The following HOMER2 variants were observed in gnomAD, a reference collection of about 807,000 sequenced individuals.
HOMER2 encodes the protein homer scaffold protein 2, also known as homer protein homolog 2.
HOMER2 carries 27 observed loss-of-function variants against 47.0 expected under a neutral mutation model. The observed-to-expected ratio is 0.57, with a 90% CI of 0.42 to 0.79. The LOEUF is 0.79. Among genes scored for constraint, HOMER2 ranks in the 30% least tolerant of loss-of-function variants. HOMER2 has a pLI of 0.00. For synonymous variants in HOMER2, 161 were observed against 163.8 expected, an observed-to-expected ratio of 0.98 and a Z score of 0.13; for missense variants, 443 against 435.0, an observed-to-expected ratio of 1.02 and a Z score of -0.16.
intron 2 of HOMER2, among the ~76,000 whole-genome samples, chr15:82,891,583 T>C (rs2052706495): frequency 6.6e-6 from 1 of 152,160 alleles, no homozygotes; most frequent in East Asian, 1.9e-4. Context: ...GGAGAAGCCT[T>C]TACCCAGGGC....
chr15:82,943,224 A>G (rs117071370), intron 1 of HOMER2, among the ~76,000 whole-genome samples: 1,637 of 152,352 alleles, frequency 0.011, 9 homozygotes, highest in Non-Finnish European at 0.016. Flanking sequence ...TGAGGACAGT[A>G]AAGCTTAGAG....
rs530868262 is a variant in HOMER2 at position 82,963,529 on chromosome 15, A to G, written n.83-4221T>C. Among the ~76,000 whole-genome samples the G allele has an allele frequency of 4.6e-5, 7 of 152,336 alleles. No individual in the cohort carries two copies. The South Asian group carries it at 1.4e-3, about 32-fold the overall frequency. ...TAAGAGCCTTTGAGCAACTAGAAAG[A>G]ACAGTGTTTCCCCAAACTTGCCTCA... On this transcript the variant is annotated intron_variant and non_coding_transcript_variant, in intron 1 of 1. Transcript: ENST00000500334.
At chr15:82,944,544 A>T (rs972313438) in intron 1 of HOMER2, among the ~76,000 whole-genome samples, 1 of 152,236 alleles carries the variant, frequency 6.6e-6, no homozygotes, top group Non-Finnish European at 1.5e-5. Flanking sequence ...AACATTCAGA[A>T]AAATGCCTTT....
chr15:82,872,853 G>A (rs939683098), intron 3 of HOMER2, among the ~76,000 whole-genome samples: 9 of 152,202 alleles, frequency 5.9e-5, no homozygotes, highest in Admixed American at 1.3e-4. Flanking sequence ...AGGAGGAACC[G>A]GGAAGAAACA....
intron 1 of HOMER2, among the ~76,000 whole-genome samples, chr15:82,941,566 C>A (rs1376801083): frequency 6.6e-6 from 1 of 151,860 alleles, no homozygotes; most frequent in African/African-American, 2.4e-5. Context: ...TGCCACCCAC[C>A]CCAAGTCACC....
At chr15:82,961,338 G>A (rs2054628769) in intron 1 of HOMER2, among the ~76,000 whole-genome samples, 2 of 152,214 alleles carry the variant, frequency 1.3e-5, no homozygotes, top group Non-Finnish European at 2.9e-5. Context: ...TGCGCAGGTT[G>A]GGGGGTACTA....
chr15:82,939,485 G>A (rs2054214691), intron 1 of HOMER2, among the ~76,000 whole-genome samples: 1 of 152,106 alleles, frequency 6.6e-6, no homozygotes, highest in Non-Finnish European at 1.5e-5. Context: ...TGGCCAACAT[G>A]GCAAAACCCC....
intron 1 of HOMER2, among the ~76,000 whole-genome samples, chr15:82,929,435 C>T (rs1029300255): frequency 2.0e-5 from 3 of 151,990 alleles, no homozygotes; most frequent in Non-Finnish European, 4.4e-5. Context: ...GCGGGTGGAA[C>T]ACCTGAGGTC....
intron 1 of HOMER2, among the ~76,000 whole-genome samples, chr15:82,902,730 T>C (rs1262803234): frequency 6.6e-6 from 1 of 151,986 alleles, no homozygotes; most frequent in African/African-American, 2.4e-5. Context: ...GGAAACATTA[T>C]TCTTAATATT....
intron 1 of HOMER2, among the ~76,000 whole-genome samples, chr15:82,968,614 G>T (rs2054697421): frequency 6.6e-6 from 1 of 152,090 alleles, no homozygotes. Flanking sequence ...TCTGCAGTTG[G>T]TCTTACTTCA....
chr15:82,929,910 AG>A (rs1200457447), intron 1 of HOMER2, among the ~76,000 whole-genome samples: 3 of 151,392 alleles, frequency 2.0e-5, no homozygotes, highest in Admixed American at 6.6e-5. Flanking sequence ...TTGTATTTTT[AG>A]TAGAGATGGG....
At chr15:82,983,547 T>C (rs1359473563) in intron 1 of HOMER2, among the ~76,000 whole-genome samples, 1 of 152,144 alleles carries the variant, frequency 6.6e-6, no homozygotes, top group Non-Finnish European at 1.5e-5. Flanking sequence ...CAGCCCCAAT[T>C]TCCCAGGCTT....
intron 2 of HOMER2, 84 bp from the exon 3 acceptor site, chr15:82,875,488 C>A: frequency 7.0e-7 from 1 of 1,433,702 alleles, no homozygotes. Flanking sequence ...ATTGGCAAAG[C>A]CAGTGCTTCA....
rs560546054 is a variant in HOMER2 at position 82,948,808 on chromosome 15, G to A, written c.5+3723C>T. On this transcript the variant is annotated intron_variant, in intron 1 of 8. Transcript: ENST00000450735. ...ACAGCAGCATGGCAGGGGGAGCTGC[G>A]CCCAGCGCCTGGTCAGTGGGAGGTA... 7.2e-5 allele frequency among the ~76,000 whole-genome samples: 11 copies of A among 152,352 alleles called. No homozygotes were observed. In the East Asian group the frequency reaches 7.7e-4, roughly 11 times the overall value.
exon 2 of HOMER2, chr15:82,838,887 A>G (rs1355790994): frequency 6.6e-6 from 1 of 152,192 alleles, no homozygotes; most frequent in African/African-American, 2.4e-5. Flanking sequence ...CCACTCCTAC[A>G]CATTTGGGAA....
At chr15:82,969,005 G>C (rs777789797) in intron 1 of HOMER2, among the ~76,000 whole-genome samples, 2 of 152,188 alleles carry the variant, frequency 1.3e-5, no homozygotes, top group African/African-American at 4.8e-5. Flanking sequence ...AGACATAATT[G>C]ATCACATCAC....
At chr15:82,879,041 T>C (rs1014303231) in intron 2 of HOMER2, among the ~76,000 whole-genome samples, 2 of 152,250 alleles carry the variant, frequency 1.3e-5, no homozygotes, top group Non-Finnish European at 2.9e-5. Context: ...TGGCCACTGA[T>C]GTCTCCAATC....
In HOMER2 at chr15:82,852,252, T is replaced by C; in HGVS notation, c.652A>G (p.Ile218Val). The change falls in exon 7 of 9, where the codon ATT becomes GTT. Residue 218 changes from isoleucine (I) to valine (V), a missense_variant and splice_region_variant. Ile to Val is a conservative substitution (Grantham distance 29). Transcript: ENST00000450735. ...RDENDRLRNK[I>V]DELEEQCSEI... ...CTGCATTGTTCTTCCAGCTCATCAA[T>C]CTTCAATACACACCACACAGGAAAG... 1 of 1,608,646 alleles carries C rather than the reference T, an allele frequency of 6.2e-7. No individual in the cohort carries two copies. The highest frequency in any genetic ancestry group is 8.5e-7 in the Non-Finnish European group (1 of 1,175,232).
Position 82,849,743 on chromosome 15 carries a change from C to T in HOMER2, c.1004G>A (p.Gly335Glu), listed in dbSNP as rs368481727. The T allele has an allele frequency of 2.7e-4, 443 of 1,613,748 alleles. No homozygotes were observed. Among genetic ancestry groups the T allele is most frequent in the Non-Finnish European group, 3.5e-4 (416 of 1,179,838 alleles). Residue 335 changes from glycine to glutamate, a missense_variant, in exon 9 of 9, where the codon GGG (glycine) becomes GAG (glutamate). Physicochemically the swap from Gly to Glu is moderately conservative, Grantham distance 98 (BLOSUM62 -2). Transcript: ENST00000450735. ...GTTATCGGTGCCCAGCTTGGAGAGC[C>T]CTCGGCGGAAGTCATGCAGGTCGTC... ...KIDDLHDFRR[G>E]LSKLGTDN
Sources: allele counts gnomAD v4.1 joint callset (sites outside exome capture counted in the v4.1 genomes callset), GRCh38; gene constraint gnomAD v4.1.1; transcripts MANE v1.5; gene names NCBI Gene and HGNC (gene_info 2026-07-23, HGNC 2026-07-21).